GEMIN5: variants seen among roughly 807,000 people sequenced by gnomAD.
The protein encoded by GEMIN5 is gem nuclear organelle associated protein 5, also known as gem-associated protein 5.
Under a neutral mutation model 176.9 loss-of-function variants are expected in GEMIN5, and 124 were observed. The ratio of observed to expected loss-of-function variants is 0.70; its 90% CI spans 0.61 to 0.81. The LOEUF (loss-of-function observed/expected upper bound fraction) is 0.81, where lower values mean the gene tolerates loss of function less well. Among genes scored for constraint, GEMIN5 ranks in the 40% least tolerant of loss-of-function variants. GEMIN5 has a pLI of 0.00. For missense variants in GEMIN5, 1,843 were observed against 1,814.6 expected (o/e 1.02, Z -0.28); for synonymous variants, 673 against 665.2 (o/e 1.01, Z -0.18).
chr5:154,910,117 T>C (rs914990829), intron 15 of GEMIN5, among the ~76,000 whole-genome samples: 1 of 152,072 alleles, frequency 6.6e-6, no homozygotes, highest in African/African-American at 2.4e-5. Flanking sequence ...CTTTTTATTG[T>C]GGAATAGAAG....
rs1268068613 is a variant in GEMIN5 at position 154,912,927 on chromosome 5, A to G, written c.1967T>C (p.Val656Ala). The G allele has an allele frequency of 1.2e-6, 2 of 1,613,722 alleles. No homozygotes were observed. Among genetic ancestry groups the G allele is most frequent in the Non-Finnish European group, 1.7e-6 (2 of 1,179,754 alleles). The part of the protein sequence containing the change: ...AWSPHHDGRL[V>A]SASYDGTAQV... Reference sequence around the variant, plus strand: ...GGCTGTACCATCATAGGAAGCAGATACCAGCCTTCCATCATGATGTGGGCT... The same window carrying G: ...GGCTGTACCATCATAGGAAGCAGATGCCAGCCTTCCATCATGATGTGGGCT... Residue 656 changes from valine (V) to alanine (A), a missense_variant, in exon 14 of 28, where the codon GTA becomes GCA. By Grantham distance (64) the Val-to-Ala change is moderately conservative (BLOSUM62 0). Coordinates refer to ENST00000285873, the MANE Select transcript of GEMIN5 (RefSeq NM_015465.5).
Position 154,912,915 on chromosome 5 carries a change from T to A in GEMIN5, c.1979A>T (p.Tyr660Phe), listed in dbSNP as rs148342568. Residue 660 changes from tyrosine (Y) to phenylalanine (F), a missense_variant, in exon 14 of 28, where the codon TAT (tyrosine) becomes TTT (phenylalanine). Transcript: ENST00000285873. ...CAATAGTACCTGGGCTGTACCATCA[T>A]AGGAAGCAGATACCAGCCTTCCATC... ...HHDGRLVSAS[Y>F]DGTAQVWDAL... 2 of 1,613,730 alleles carry A rather than the reference T, an allele frequency of 1.2e-6. No homozygotes were observed. Among genetic ancestry groups the A allele is most frequent in the Non-Finnish European group, 1.7e-6 (2 of 1,179,782 alleles).
chr5:154,894,547 G>C (rs1407753059), intron 24 of GEMIN5, among the ~76,000 whole-genome samples: 2 of 152,016 alleles, frequency 1.3e-5, no homozygotes, highest in Non-Finnish European at 2.9e-5. Context: ...GAGGCAGGTG[G>C]ATCACATGAG....
chr5:154,891,178 A>G, intron 26 of GEMIN5, 63 bp downstream of exon 26: 1 of 1,480,002 alleles, frequency 6.8e-7, no homozygotes, highest in Admixed American at 2.0e-5. Flanking sequence ...TATAGGCATG[A>G]ACCACTGTTC....
chr5:154,893,228 G>A (rs563474449), intron 24 of GEMIN5, among the ~76,000 whole-genome samples: 15 of 145,352 alleles, frequency 1.0e-4, no homozygotes, highest in African/African-American at 3.1e-4. Context: ...TGAGGCGGGC[G>A]GATCACCCGA....
chr5:154,938,182 T>C lies in GEMIN5; in HGVS notation c.-49A>G, dbSNP rs751402964. 11 of 1,304,084 alleles carry C rather than the reference T, an allele frequency of 8.4e-6. No individual in the cohort carries two copies. The highest frequency in any genetic ancestry group is 7.6e-5 in the African/African-American group (5 of 65,594). The allele number at this position is 1,304,084 out of a possible 1,614,324, so 80.8% of individuals were successfully genotyped here. A position where few individuals can be genotyped will look rare whatever the true frequency, so the allele number is the denominator to read the frequency against. ...AGAAGCTGCCACAGCCGACCGCTCG[T>C]AGCCTCACGCCTTAGGTAGGGAGCG... On this transcript the variant is annotated 5_prime_UTR_variant, in exon 1 of 28. Transcript: ENST00000285873.
Position 154,907,767 on chromosome 5 carries a change from T to C in GEMIN5, c.2219A>G (p.Lys740Arg), listed in dbSNP as rs1304524845. 1.2e-6 allele frequency: 2 copies of C among 1,614,198 alleles called. No individual in the cohort carries two copies. The highest frequency in any genetic ancestry group is 1.3e-5 in the African/African-American group (1 of 75,060). Residue 740 changes from lysine (K) to arginine (R), a missense_variant, in exon 16 of 28, where the codon AAG becomes AGG. Physicochemically the swap from Lys to Arg is conservative, Grantham distance 26. Transcript: ENST00000285873. ...GGTGGGCTTTTTCTTCTTTTTGGGC[T>C]TTGCCTTAGGTTGAGAGAGCCGTTT... ...EKKRLSQPKA[K>R]PKKKKKPTLR...
chr5:154,891,887 C>A, intron 25 of GEMIN5, 145 bp from the exon 26 acceptor site: 1 of 765,846 alleles, frequency 1.3e-6, no homozygotes. Context: ...GGCCACATGC[C>A]TTTCCACCAA....
chr5:154,932,044 C>T, intron 4 of GEMIN5, 55 bp downstream of exon 4: 3 of 1,239,000 alleles, frequency 2.4e-6, no homozygotes, highest in African/African-American at 1.5e-5. Flanking sequence ...ATAATTGTAC[C>T]CGTTCTGTTC....
intron 21 of GEMIN5, among the ~76,000 whole-genome samples, chr5:154,899,606 T>G (rs1199682575): frequency 1.1e-5 from 1 of 91,672 alleles, no homozygotes; most frequent in Non-Finnish European, 2.3e-5. Context: ...GAGTCAGTTA[T>G]GTGCTTTTTT....
chr5:154,911,804 C>A lies in GEMIN5; in HGVS notation c.2090G>T (p.Cys697Phe), dbSNP rs1370070590. Residue 697 changes from cysteine (C) to phenylalanine (F), a missense_variant, in exon 15 of 28, where the codon TGC (cysteine) becomes TTC (phenylalanine). Coordinates refer to ENST00000285873, the MANE Select transcript of GEMIN5 (RefSeq NM_015465.5). ...CVAWSPLDPD[C>F]IYSGADDFCV... is the part of the protein sequence containing the mutation. Reference sequence around the variant, plus strand: ...AAAGTCATCTGCCCCTGAATAGATGCAGTCTGGATCCAAAGGAGACCATGC... The same window carrying A: ...AAAGTCATCTGCCCCTGAATAGATGAAGTCTGGATCCAAAGGAGACCATGC... The A allele has an allele frequency of 2.5e-6, 4 of 1,613,730 alleles. No homozygotes were observed. In the South Asian group the frequency reaches 4.4e-5, roughly 18 times the overall value.
chr5:154,926,215 C>A, intron 7 of GEMIN5, 141 bp from the exon 8 acceptor site: 4 of 580,780 alleles, frequency 6.9e-6, no homozygotes, highest in South Asian at 2.5e-5. Context: ...GAAAGCACTG[C>A]TAAGAAAAAA....
At chr5:154,894,517 T>C (rs1763306988) in intron 24 of GEMIN5, among the ~76,000 whole-genome samples, 1 of 151,480 alleles carries the variant, frequency 6.6e-6, no homozygotes, top group African/African-American at 2.4e-5. Context: ...ACACTTGTAA[T>C]CACAGCACTT....
intron 12 of GEMIN5, among the ~76,000 whole-genome samples, 167 bp from the exon 13 acceptor site, chr5:154,917,346 A>G (rs1763835532): frequency 6.6e-6 from 1 of 152,224 alleles, no homozygotes; most frequent in African/African-American, 2.4e-5. Flanking sequence ...AAGTATAAAA[A>G]GTTATTCTCC....
intron 15 of GEMIN5, among the ~76,000 whole-genome samples, chr5:154,908,171 CCTT>C (rs1455499907): frequency 4.5e-5 from 4 of 88,708 alleles, no homozygotes; most frequent in African/African-American, 1.8e-4. Flanking sequence ...ACCCAGATGT[CCTT>C]TTTTTTTTTT....
At chr5:154,935,106 C>T (rs1288755303) in intron 3 of GEMIN5, among the ~76,000 whole-genome samples, 1 of 152,184 alleles carries the variant, frequency 6.6e-6, no homozygotes, top group Non-Finnish European at 1.5e-5. Flanking sequence ...TCTTTTCAAG[C>T]CTTACTTTCA....
chr5:154,928,294 T>G (rs1364998127), intron 6 of GEMIN5, among the ~76,000 whole-genome samples: 1 of 152,230 alleles, frequency 6.6e-6, no homozygotes, highest in African/African-American at 2.4e-5. Context: ...ACAAAGTGAT[T>G]CTGAAATTTA....
At chr5:154,901,577 C>A (rs1023633857) in intron 20 of GEMIN5, 91 bp from the exon 21 acceptor site, 1 of 1,107,228 alleles carries the variant, frequency 9.0e-7, no homozygotes, top group Non-Finnish European at 1.3e-6. Flanking sequence ...GCCTTGTTTT[C>A]GTCAATGCAT....
chr5:154,923,954 T>G (rs1324426444), intron 9 of GEMIN5, among the ~76,000 whole-genome samples: 1 of 152,202 alleles, frequency 6.6e-6, no homozygotes, highest in African/African-American at 2.4e-5. Context: ...GAACTGTATA[T>G]GTAACCTAAA....
Sources: gnomAD v4.1 joint callset for allele counts (sites outside exome capture counted in the v4.1 genomes callset) on GRCh38, gnomAD v4.1.1 for gene constraint, MANE v1.5 for transcripts, NCBI Gene and HGNC (gene_info 2026-07-23, HGNC 2026-07-21) for gene names.